UST: variants seen among roughly 807,000 people sequenced by gnomAD.
UST encodes chondroitin sulfate 2-O-sulfotransferase.
In UST, 21 loss-of-function variants were observed where a neutral mutation model predicts 45.6. That is an observed-to-expected ratio of 0.46 (90% CI 0.33 to 0.66). The LOEUF is 0.66. Among genes scored for constraint, UST ranks in the 30% least tolerant of loss-of-function variants. UST has a pLI of 0.02. For missense variants in UST, 463 were observed against 512.4 expected, an observed-to-expected ratio of 0.90 and a Z score of 0.93; for synonymous variants, 215 against 200.6, an observed-to-expected ratio of 1.07 and a Z score of -0.61.
rs186873063 is a variant in UST, at chr6:149,073,084, T to C, written c.938-749T>C. Among the ~76,000 whole-genome samples the C allele has an allele frequency of 2.4e-3, 361 of 152,326 alleles. 2 individuals carry two copies. The highest frequency in any genetic ancestry group is 2.9e-3 in the Non-Finnish European group (199 of 68,022). ...TATATTTTGTTATTAAGCATTAGTA[T>C]AAAATTAAGCATATTTTAGTTGTAT... is the stretch of plus-strand genomic sequence containing the variant. On this transcript the variant is annotated intron_variant, in intron 7 of 7. Coordinates refer to ENST00000367463, the MANE Select transcript of UST (RefSeq NM_005715.3).
At chr6:148,853,619 A>G (rs1003149545) in intron 1 of UST, among the ~76,000 whole-genome samples, 1 of 152,146 alleles carries the variant, frequency 6.6e-6, no homozygotes, top group Non-Finnish European at 1.5e-5. Context: ...CCTCACCGGC[A>G]TCTGTTCTTT....
At chr6:148,956,943 C>T (rs1315997596) in intron 4 of UST, among the ~76,000 whole-genome samples, 3 of 152,138 alleles carry the variant, frequency 2.0e-5, no homozygotes, top group African/African-American at 7.2e-5. Context: ...GGGATGAGGA[C>T]TCTGGGAAGG....
At chr6:148,747,823 T>A in intron 1 of UST, 146 bp downstream of exon 1, 1 of 1,111,888 alleles carries the variant, frequency 9.0e-7, no homozygotes, top group Non-Finnish European at 1.2e-6. Flanking sequence ...TGAGCATCTG[T>A]GCCGCGGTCG....
intron 5 of UST, among the ~76,000 whole-genome samples, chr6:149,008,374 T>C (rs1775750284): frequency 6.6e-6 from 1 of 152,184 alleles, no homozygotes; most frequent in Admixed American, 6.5e-5. Flanking sequence ...CTGTACATGA[T>C]TCATGGTGTA....
At chr6:148,753,776 A>G (rs1582788626) in intron 1 of UST, among the ~76,000 whole-genome samples, 1 of 152,136 alleles carries the variant, frequency 6.6e-6, no homozygotes, top group African/African-American at 2.4e-5. Context: ...TGGCTGCACC[A>G]TTTTACATCC....
At chr6:149,072,329 A>G (rs1166531672) in intron 7 of UST, among the ~76,000 whole-genome samples, 1 of 152,208 alleles carries the variant, frequency 6.6e-6, no homozygotes, top group Non-Finnish European at 1.5e-5. Flanking sequence ...CGTTCTATCT[A>G]TACAATGGAA....
At chr6:148,780,072 T>A (rs532901506) in intron 1 of UST, among the ~76,000 whole-genome samples, 1 of 86,200 alleles carries the variant, frequency 1.2e-5, no homozygotes, top group South Asian at 4.1e-4. Flanking sequence ...TACAAATACA[T>A]GTGTGTGTAT....
intron 7 of UST, among the ~76,000 whole-genome samples, chr6:149,063,954 T>C (rs1330217514): frequency 1.3e-5 from 2 of 152,162 alleles, no homozygotes; most frequent in East Asian, 1.9e-4. Context: ...AAGTTTTCCA[T>C]CTCTTGATTG....
intron 1 of UST, among the ~76,000 whole-genome samples, chr6:148,872,078 G>T (rs1282127729): frequency 6.6e-5 from 10 of 152,232 alleles, no homozygotes; most frequent in Non-Finnish European, 1.5e-4. Context: ...TGCATGTCGC[G>T]GGTGAAATGT....
At chr6:148,783,978 C>G (rs1047681467) in intron 1 of UST, among the ~76,000 whole-genome samples, 4 of 152,158 alleles carry the variant, frequency 2.6e-5, no homozygotes, top group African/African-American at 7.2e-5. Context: ...TGCTGCTGAT[C>G]AATCCACTGC....
intron 1 of UST, among the ~76,000 whole-genome samples, chr6:148,871,259 C>T (rs981388570): frequency 6.6e-6 from 1 of 152,040 alleles, no homozygotes; most frequent in African/African-American, 2.4e-5. Flanking sequence ...TGCCAGCAAC[C>T]TGAACTTAGA....
intron 1 of UST, among the ~76,000 whole-genome samples, chr6:148,862,303 G>A (rs1044025555): frequency 2.6e-5 from 4 of 152,182 alleles, no homozygotes; most frequent in African/African-American, 9.7e-5. Context: ...TGTTTTATCA[G>A]AGACTAGGAT....
intron 1 of UST, among the ~76,000 whole-genome samples, chr6:148,783,934 C>T (rs778265691): frequency 7.2e-5 from 11 of 152,182 alleles, no homozygotes; most frequent in Non-Finnish European, 1.6e-4. Flanking sequence ...TCAATGATAT[C>T]TTCAAAGTCA....
chr6:148,832,187 C>T (rs761402724), intron 1 of UST, among the ~76,000 whole-genome samples: 7 of 152,166 alleles, frequency 4.6e-5, no homozygotes, highest in Admixed American at 6.5e-5. Context: ...GACAGGGTTT[C>T]GCCATGTTGG....
intron 7 of UST, among the ~76,000 whole-genome samples, chr6:149,042,234 T>G (rs1776324956): frequency 6.6e-6 from 1 of 152,260 alleles, no homozygotes; most frequent in African/African-American, 2.4e-5. Flanking sequence ...TAGGCACTTT[T>G]TACTATACAT....
intron 4 of UST, among the ~76,000 whole-genome samples, chr6:148,959,241 C>T (rs1473851434): frequency 6.6e-6 from 1 of 152,210 alleles, no homozygotes; most frequent in African/African-American, 2.4e-5. Flanking sequence ...CAAAACAAAT[C>T]AGACTTCGCT....
chr6:148,979,924 G>A (rs1345376340), intron 5 of UST, among the ~76,000 whole-genome samples: 1 of 152,166 alleles, frequency 6.6e-6, no homozygotes. Context: ...ATCAGCATAT[G>A]CCTTTTACTT....
chr6:148,884,132 C>CAAAAA lies in UST; in HGVS notation c.248-2840_248-2836dup, dbSNP rs35086035. On this transcript the variant is annotated intron_variant, in intron 1 of 7. Coordinates refer to ENST00000367463, the MANE Select transcript of UST (RefSeq NM_005715.3). ...TGGGCAACAAAGTGAGACACCGTCTCAAAAAAAAAAAAAAAAAATTGCAGA... is the reference window on the plus strand; with the variant it reads ...TGGGCAACAAAGTGAGACACCGTCTCAAAAAAAAAAAAAAAAAAAAAAATTGCAGA... Among the ~76,000 whole-genome samples, 721 of 94,802 alleles carry CAAAAA rather than the reference C, an allele frequency of 7.6e-3. 4 individuals are homozygous for CAAAAA. The highest frequency in any genetic ancestry group is 0.023 in the African/African-American group (684 of 29,206). 62.2% of individuals were successfully genotyped at this position (94,802 alleles called of 152,430 possible).
chr6:148,979,095 C>T (rs894007656), intron 5 of UST, among the ~76,000 whole-genome samples: 3 of 152,096 alleles, frequency 2.0e-5, no homozygotes, highest in Non-Finnish European at 2.9e-5. Context: ...CTGTAACCTA[C>T]GTGTCCTTTT....
Sources: allele counts gnomAD v4.1 joint callset (sites outside exome capture counted in the v4.1 genomes callset), GRCh38; gene constraint gnomAD v4.1.1; transcripts MANE v1.5; gene names NCBI Gene and HGNC (gene_info 2026-07-23, HGNC 2026-07-21).